KIF25: variants seen among roughly 807,000 people sequenced by gnomAD.
The protein encoded by KIF25 is kinesin-like protein KIF25.
A neutral mutation model predicts 32.9 loss-of-function variants in KIF25; 19 were observed. The ratio of observed to expected loss-of-function variants is 0.58; its 90% CI spans 0.40 to 0.85. KIF25 has a LOEUF of 0.85. Ranked by LOEUF, KIF25 falls within the 40% of genes least tolerant of loss-of-function variation. KIF25 has a pLI of 0.00. For missense variants in KIF25, 485 were observed against 507.0 expected (o/e 0.96, Z 0.42); for synonymous variants, 225 against 213.7 (o/e 1.05, Z -0.46).
intron 4 of KIF25, among the ~76,000 whole-genome samples, chr6:168,007,587 G>T (rs1193393142): frequency 6.6e-6 from 1 of 152,166 alleles, no homozygotes; most frequent in Non-Finnish European, 1.5e-5. Context: ...TGAACTCCAG[G>T]ACACACAGTT....
At chr6:168,019,707 C>T (rs79045090) in intron 5 of KIF25, among the ~76,000 whole-genome samples, 16,996 of 151,966 alleles carry the variant, frequency 0.11, 1,373 homozygotes, top group East Asian at 0.41. Context: ...ATTTTTTTAC[C>T]ACAATTAAAA....
In KIF25 at chr6:168,042,683, A is replaced by G. The variant is rs1488974241; in HGVS notation, c.952A>G (p.Ser318Gly). 1.9e-6 allele frequency: 3 copies of G among 1,613,088 alleles called. No individual in the cohort carries two copies. Among genetic ancestry groups the G allele is most frequent in the Non-Finnish European group, 2.5e-6 (3 of 1,179,980 alleles). Reference sequence around the variant, plus strand: ...CCGTGGCCATGCCCCGTACCGGAACAGCAGGCTCACCCACCTCCTTCAGGA... The same window carrying G: ...CCGTGGCCATGCCCCGTACCGGAACGGCAGGCTCACCCACCTCCTTCAGGA... ...EHRGHAPYRN[S>G]RLTHLLQDCL... The change falls in exon 12 of 13, where the codon AGC (serine) becomes GGC (glycine). Residue 318 changes from serine (S) to glycine (G), a missense_variant. By Grantham distance (56) the Ser-to-Gly change is moderately conservative. Around this residue, in one of 2 missense-constraint regions of KIF25, gnomAD observed 480 missense variants for 470.3 expected, o/e 1.02. Coordinates refer to ENST00000643607, the MANE Select transcript of KIF25 (RefSeq NM_030615.4).
At chr6:168,019,786 C>A (rs761007333) in intron 5 of KIF25, among the ~76,000 whole-genome samples, 1 of 152,180 alleles carries the variant, frequency 6.6e-6, no homozygotes. Flanking sequence ...CCAAATACAG[C>A]GGGAGTTGCA....
intron 2 of KIF25, among the ~76,000 whole-genome samples, chr6:168,001,495 A>G (rs1798500721): frequency 6.6e-6 from 1 of 152,268 alleles, no homozygotes; most frequent in South Asian, 2.1e-4. Flanking sequence ...ATGAATGCAA[A>G]TGAAATCCCA....
At chr6:168,013,362 C>T (rs560061638) in intron 4 of KIF25, among the ~76,000 whole-genome samples, 3 of 152,040 alleles carry the variant, frequency 2.0e-5, no homozygotes, top group African/African-American at 7.2e-5. Context: ...GATCCTGGGC[C>T]CGGGATCCAT....
At chr6:168,036,935 G>A (rs529831598) in intron 8 of KIF25, among the ~76,000 whole-genome samples, 2 of 152,300 alleles carry the variant, frequency 1.3e-5, no homozygotes, top group African/African-American at 4.8e-5. Flanking sequence ...GGTGGTGCAT[G>A]CCTGTAATGT....
Position 167,998,030 on chromosome 6 carries a change from T to G in KIF25, c.-1439T>G, listed in dbSNP as rs1344530410. On this transcript the variant is annotated 5_prime_UTR_variant, in exon 1 of 13. Transcript: ENST00000643607. ...TATTGAGTGCTTCCTGTGTACCAAG[T>G]ACTTTTGAAACCATTTGGTGTATTT... Among the ~76,000 whole-genome samples the G allele has an allele frequency of 1.3e-5, 2 of 152,240 alleles. No homozygotes were observed. Among genetic ancestry groups the G allele is most frequent in the Non-Finnish European group, 2.9e-5 (2 of 68,046 alleles).
intron 4 of KIF25, among the ~76,000 whole-genome samples, chr6:168,017,238 G>T (rs947966586): frequency 3.3e-5 from 5 of 152,284 alleles, no homozygotes; most frequent in Non-Finnish European, 7.4e-5. Context: ...AGGTGTGGAG[G>T]TATCATCCTA....
intron 4 of KIF25, among the ~76,000 whole-genome samples, chr6:168,013,372 T>C (rs150790933): frequency 6.6e-6 from 1 of 151,974 alleles, no homozygotes; most frequent in Admixed American, 6.5e-5. Context: ...CCGGGATCCA[T>C]GCAGCTGGGG....
At chr6:168,039,736 T>G (rs7772232) in intron 9 of KIF25, among the ~76,000 whole-genome samples, 3,585 of 152,336 alleles carry the variant, frequency 0.024, 160 homozygotes, top group African/African-American at 0.082. Flanking sequence ...ACAAATCAGA[T>G]TTGATACACA....
intron 2 of KIF25, among the ~76,000 whole-genome samples, chr6:168,002,295 G>A (rs1476077759): frequency 6.1e-4 from 79 of 128,500 alleles, no homozygotes; most frequent in East Asian, 1.3e-3. Context: ...GCGTAGCCTC[G>A]GGCAGGTGAG....
chr6:168,024,771 C>T (rs868318397), intron 5 of KIF25, among the ~76,000 whole-genome samples: 7 of 151,590 alleles, frequency 4.6e-5, no homozygotes, highest in South Asian at 2.1e-4. Flanking sequence ...GCCTGGCTGG[C>T]TGGGCACGGT....
At chr6:168,028,529 C>T (rs74710197) in intron 5 of KIF25, among the ~76,000 whole-genome samples, 197 of 152,342 alleles carry the variant, frequency 1.3e-3, no homozygotes, top group African/African-American at 4.6e-3. Flanking sequence ...GAGCCCGTCC[C>T]ATCCCAGTTC....
intron 4 of KIF25, among the ~76,000 whole-genome samples, chr6:168,017,563 T>C (rs1172395116): frequency 2.0e-5 from 3 of 152,200 alleles, no homozygotes; most frequent in Non-Finnish European, 4.4e-5. Context: ...ATGTCTGAGA[T>C]GTGATTTTTT....
intron 5 of KIF25, among the ~76,000 whole-genome samples, chr6:168,027,007 C>T (rs1798868864): frequency 6.6e-6 from 1 of 152,134 alleles, no homozygotes; most frequent in Non-Finnish European, 1.5e-5. Context: ...GCATTTTTGC[C>T]ACCAAGACCT....
chr6:168,043,499 A>G (rs1799163416), intron 12 of KIF25, among the ~76,000 whole-genome samples: 1 of 151,686 alleles, frequency 6.6e-6, no homozygotes, highest in African/African-American at 2.4e-5. Flanking sequence ...TGTTCCAGAC[A>G]CTCTCCCTGT....
At chr6:168,020,988 A>C (rs974895028) in intron 5 of KIF25, among the ~76,000 whole-genome samples, 3 of 152,246 alleles carry the variant, frequency 2.0e-5, no homozygotes, top group African/African-American at 7.2e-5. Context: ...CTGATGATAA[A>C]ATTTATATGG....
intron 8 of KIF25, among the ~76,000 whole-genome samples, chr6:168,037,402 C>T (rs6910870): frequency 0.062 from 9,388 of 152,216 alleles, 620 homozygotes; most frequent in African/African-American, 0.16. Flanking sequence ...ACTTCCCGCC[C>T]GGTTCTCAGA....
At chr6:168,029,814 C>G (rs1194910907) in intron 6 of KIF25, 137 bp downstream of exon 6, 2 of 1,122,146 alleles carry the variant, frequency 1.8e-6, no homozygotes, top group Admixed American at 2.9e-5. Flanking sequence ...GATCTCAGCC[C>G]TGAGCATCTT....
Sources: allele counts gnomAD v4.1 joint callset (sites outside exome capture counted in the v4.1 genomes callset), GRCh38; gene constraint gnomAD v4.1.1; regional missense constraint gnomAD v4.1.1; transcripts MANE v1.5; gene names NCBI Gene and HGNC (gene_info 2026-07-23, HGNC 2026-07-21).